The following CDH4 variants were observed in gnomAD, a reference collection of about 807,000 sequenced individuals.
CDH4 encodes cadherin 4.
In CDH4, 33 loss-of-function variants were observed where a neutral mutation model predicts 86.0. The observed-to-expected ratio is 0.38, with a 90% confidence interval of 0.29 to 0.51. The LOEUF is 0.51. CDH4 is among the 20% of genes least tolerant of loss of function. The pLI is 0.86. For missense variants in CDH4, 1,114 were observed against 1,307.4 expected, an observed-to-expected ratio of 0.85 and a Z score of 2.28; for synonymous variants, 555 against 549.4, an observed-to-expected ratio of 1.01 and a Z score of -0.14.
At chr20:61,391,909 T>C (rs2084988189) in intron 2 of CDH4, among the ~76,000 whole-genome samples, 1 of 151,816 alleles carries the variant, frequency 6.6e-6, no homozygotes, top group South Asian at 2.1e-4. Flanking sequence ...CTGGGATTTT[T>C]TTCTGCCAGG....
intron 2 of CDH4, among the ~76,000 whole-genome samples, chr20:61,312,721 C>T (rs924664740): frequency 2.6e-5 from 4 of 152,096 alleles, no homozygotes; most frequent in Admixed American, 1.3e-4. Flanking sequence ...ACTCCATGTC[C>T]GAGGATGTGA....
intron 4 of CDH4, among the ~76,000 whole-genome samples, chr20:61,817,513 A>AT (rs371925005): frequency 7.9e-5 from 12 of 151,180 alleles, no homozygotes; most frequent in African/African-American, 2.9e-4. Flanking sequence ...TTTTATTTTT[A>AT]TTTTTTTAAG....
At chr20:61,743,198 G>C (rs983731759) in intron 2 of CDH4, among the ~76,000 whole-genome samples, 3 of 152,198 alleles carry the variant, frequency 2.0e-5, no homozygotes, top group Non-Finnish European at 2.9e-5. Flanking sequence ...AGGCAAGAGT[G>C]GGGGGAACTG....
intron 4 of CDH4, among the ~76,000 whole-genome samples, chr20:61,823,286 G>A (rs1304952308): frequency 0.026 from 5 of 190 alleles, no homozygotes; most frequent in Non-Finnish European, 0.042. Context: ...TGGTGTTGAT[G>A]GTAATGGTGA....
intron 2 of CDH4, among the ~76,000 whole-genome samples, chr20:61,442,419 C>G (rs1487182659): frequency 6.6e-6 from 1 of 151,772 alleles, no homozygotes; most frequent in Non-Finnish European, 1.5e-5. Flanking sequence ...TCATCATCTG[C>G]TGTGCAAATA....
At position 61,683,012 on chromosome 20, in the gene CDH4, T is replaced by A. The variant is rs571835574; in HGVS notation, c.170-60551T>A. 7.2e-5 allele frequency among the ~76,000 whole-genome samples: 11 copies of A among 152,240 alleles called. No individual in the cohort carries two copies. The East Asian group carries it at 2.1e-3, about 29-fold the overall frequency. ...CAGCTAGTTCTCAAAAAATCCTGTA[T>A]CTTTTTATAAAGATGGAAATGACAG... On this transcript the variant is annotated intron_variant, in intron 2 of 15. Coordinates refer to ENST00000614565, the MANE Select transcript of CDH4 (RefSeq NM_001794.5).
intron 2 of CDH4, among the ~76,000 whole-genome samples, chr20:61,654,464 G>T (rs1279391826): frequency 1.3e-5 from 2 of 152,158 alleles, no homozygotes; most frequent in Non-Finnish European, 1.5e-5. Context: ...GAAAAATCAA[G>T]ACTTTTTAAG....
chr20:61,825,334 G>T (rs1981258573), intron 4 of CDH4, among the ~76,000 whole-genome samples: 1 of 152,136 alleles, frequency 6.6e-6, no homozygotes, highest in East Asian at 1.9e-4. Context: ...GCTTGAACCT[G>T]GGAGGTGTAG....
At chr20:61,857,740 A>C (rs1353597129) in intron 6 of CDH4, among the ~76,000 whole-genome samples, 1 of 152,270 alleles carries the variant, frequency 6.6e-6, no homozygotes, top group Non-Finnish European at 1.5e-5. Context: ...AGACAGACAG[A>C]TCCTGTAAGC....
chr20:61,551,215 G>A (rs376563410), intron 2 of CDH4, among the ~76,000 whole-genome samples: 46 of 152,236 alleles, frequency 3.0e-4, no homozygotes, highest in South Asian at 8.3e-4. Context: ...TATTTTGTGC[G>A]TTTCAGTCCA....
chr20:61,573,018 A>G (rs1029955353), intron 2 of CDH4, among the ~76,000 whole-genome samples: 1 of 137,752 alleles, frequency 7.3e-6, no homozygotes, highest in Admixed American at 7.1e-5. Flanking sequence ...GGATTGATGG[A>G]TGGATGGATG....
chr20:61,863,878 C>T (rs891204715), intron 6 of CDH4, among the ~76,000 whole-genome samples: 5 of 152,336 alleles, frequency 3.3e-5, no homozygotes, highest in Middle Eastern at 6.8e-3. Flanking sequence ...AAGAGGCCCC[C>T]GTCTCCTCCC....
intron 4 of CDH4, among the ~76,000 whole-genome samples, chr20:61,798,409 C>T (rs1243852170): frequency 6.6e-6 from 1 of 152,264 alleles, no homozygotes; most frequent in East Asian, 1.9e-4. Context: ...GGACCCTCCG[C>T]TCCTTTCCTG....
At chr20:61,852,625 C>A in intron 5 of CDH4, 129 bp from the exon 6 acceptor site, 2 of 825,600 alleles carry the variant, frequency 2.4e-6, no homozygotes, top group South Asian at 2.3e-5. Context: ...GTGTCCAAAG[C>A]CCCCCGGCCC....
At chr20:61,662,647 TC>T (rs1404053032) in intron 2 of CDH4, among the ~76,000 whole-genome samples, 1 of 152,028 alleles carries the variant, frequency 6.6e-6, no homozygotes, top group Non-Finnish European at 1.5e-5. Context: ...GTGCACTCAG[TC>T]CCCAGGCTGA....
At chr20:61,618,942 G>A (rs970616830) in intron 2 of CDH4, among the ~76,000 whole-genome samples, 4 of 152,160 alleles carry the variant, frequency 2.6e-5, no homozygotes, top group African/African-American at 7.2e-5. Flanking sequence ...CCCAGGGCCC[G>A]GGATGTGCCT....
chr20:61,721,653 G>T (rs1396000077), intron 2 of CDH4, among the ~76,000 whole-genome samples: 1 of 152,202 alleles, frequency 6.6e-6, no homozygotes, highest in Non-Finnish European at 1.5e-5. Flanking sequence ...AATGCACCAT[G>T]CACATTTCCC....
chr20:61,464,003 C>T (rs1300796940), intron 2 of CDH4, among the ~76,000 whole-genome samples: 3 of 152,210 alleles, frequency 2.0e-5, no homozygotes, highest in African/African-American at 7.2e-5. Flanking sequence ...CTTACAGTAG[C>T]TCCTGGCTAA....
chr20:61,434,264 CTT>C (rs1170758376), intron 2 of CDH4, among the ~76,000 whole-genome samples: 1 of 152,200 alleles, frequency 6.6e-6, no homozygotes, highest in African/African-American at 2.4e-5. Flanking sequence ...GCTCGTTAGA[CTT>C]TGCATAATCG....
Sources: allele counts gnomAD v4.1 joint callset (sites outside exome capture counted in the v4.1 genomes callset), GRCh38; gene constraint gnomAD v4.1.1; transcripts MANE v1.5; gene names NCBI Gene and HGNC (gene_info 2026-07-23, HGNC 2026-07-21).